The following ADGRF5 variants were observed in gnomAD, a reference collection of about 807,000 sequenced individuals.
ADGRF5 encodes adhesion G protein-coupled receptor F5, also known as G-protein coupled receptor 116.
A neutral mutation model predicts 132.3 loss-of-function variants in ADGRF5; 75 were observed. That is an observed-to-expected ratio of 0.57 (90% CI 0.47 to 0.69). ADGRF5 has a LOEUF of 0.69. Among genes scored for constraint, ADGRF5 ranks in the 30% least tolerant of loss-of-function variants. The pLI is 0.00. For missense variants in ADGRF5, 1,516 were observed against 1,630.6 expected, an observed-to-expected ratio of 0.93 and a Z score of 1.21; for synonymous variants, 629 against 597.6, an observed-to-expected ratio of 1.05 and a Z score of -0.77.
At chr6:46,879,788 C>T (rs764910651) in intron 9 of ADGRF5, 30 bp downstream of exon 9, 1 of 1,409,438 alleles carries the variant, frequency 7.1e-7, no homozygotes, top group East Asian at 2.3e-5. Flanking sequence ...TCATTCCATT[C>T]CTCACACAAG....
Position 46,858,259 on chromosome 6 carries a change from A to G in ADGRF5, c.3644T>C (p.Phe1215Ser). Residue 1215 changes from phenylalanine (F) to serine (S), a missense_variant, in exon 17 of 21, where the codon TTT becomes TCT. Transcript: ENST00000283296. ...GACCCCAATGCTCTTGCTGATCTGA[A>G]ACAGGCTGCTCTTCTCCTGCTTGCA... ...KPCKQEKSSL[F>S]QISKSIGVLT... 1 of 1,614,040 alleles carries G rather than the reference A, an allele frequency of 6.2e-7. No individual in the cohort carries two copies. Among genetic ancestry groups the G allele is most frequent in the Non-Finnish European group, 8.5e-7 (1 of 1,180,006 alleles).
At chr6:46,897,949 C>A (rs1276603421) in intron 3 of ADGRF5, among the ~76,000 whole-genome samples, 1 of 152,190 alleles carries the variant, frequency 6.6e-6, no homozygotes, top group East Asian at 1.9e-4. Context: ...CAAGGCCAAT[C>A]CATCTTCTGC....
intron 16 of ADGRF5, 119 bp from the exon 17 acceptor site, chr6:46,859,642 A>G: frequency 1.5e-6 from 1 of 648,144 alleles, no homozygotes; most frequent in African/African-American, 1.8e-5. Flanking sequence ...GAAAACAAAA[A>G]TGAGACATCA....
At chr6:46,917,233 A>G (rs530701369) in intron 1 of ADGRF5, among the ~76,000 whole-genome samples, 27 of 152,322 alleles carry the variant, frequency 1.8e-4, no homozygotes, top group African/African-American at 6.5e-4. Flanking sequence ...GTTTGTCTCC[A>G]AAGTCTGAAC....
intron 14 of ADGRF5, among the ~76,000 whole-genome samples, chr6:46,863,691 C>T (rs1770052793): frequency 6.6e-6 from 1 of 152,130 alleles, no homozygotes; most frequent in Non-Finnish European, 1.5e-5. Context: ...TCCAGTGGAC[C>T]CTGACTCTGA....
intron 10 of ADGRF5, among the ~76,000 whole-genome samples, chr6:46,877,761 T>C (rs9395220): frequency 2.0e-5 from 3 of 152,092 alleles, no homozygotes; most frequent in East Asian, 3.9e-4. Flanking sequence ...TATGCATAGA[T>C]ACAAAGGCAG....
At position 46,852,688 on chromosome 6, in the gene ADGRF5, G is replaced by A. The variant is rs1444391944; in HGVS notation, c.*1304C>T. On this transcript the variant is annotated 3_prime_UTR_variant, in exon 21 of 21. Coordinates refer to ENST00000283296, the MANE Select transcript of ADGRF5 (RefSeq NM_001098518.2). ...CACAAACAATCAAATCCTTGGGAAA[G>A]GCTCTGCCATTTGTTCAACAAGGTC... The A allele has an allele frequency of 6.6e-6, 1 of 152,142 alleles. No individual in the cohort carries two copies. Among genetic ancestry groups the A allele is most frequent in the Non-Finnish European group, 1.5e-5 (1 of 68,028 alleles). 9.4% of individuals were successfully genotyped at this position (152,142 alleles called of 1,614,324 possible). A position where few individuals can be genotyped will look rare whatever the true frequency, so the allele number is the denominator to read the frequency against.
Position 46,880,007 on chromosome 6 carries a change from T to C in ADGRF5, c.847A>G (p.Ile283Val). The C allele has an allele frequency of 6.2e-7, 1 of 1,614,090 alleles. No homozygotes were observed. The highest frequency in any genetic ancestry group is 8.5e-7 in the Non-Finnish European group (1 of 1,179,946). ...ESNFFVTPEI[I>V]FEGDTVSLVC... ...AGACTGACTGTGTCCCCTTCAAAGA[T>C]GATTTCTGGTGTGACAAAGAAATTG... is the stretch of plus-strand genomic sequence containing the variant. The change falls in exon 9 of 21, where the codon ATC (isoleucine) becomes GTC (valine). Residue 283 changes from isoleucine to valine, a missense_variant. Ile to Val is a conservative substitution (Grantham distance 29). Transcript: ENST00000283296.
rs763996346 is a variant in ADGRF5 at position 46,883,664 on chromosome 6, A to G, written c.507T>C (p.Asp169=). ...GTCTGACTCTCATGTTCAGGGTAAC[A>G]TCTGTTGAAAAACACAGGGCAATAT... is the stretch of plus-strand genomic sequence containing the variant. ...PNGPFCLLQE[D]VTLNMRVRLN... Residue 169 remains aspartate, a splice_region_variant and synonymous_variant, in exon 6 of 21, where the codon GAT becomes GAC. Transcript: ENST00000283296. 2.8e-5 allele frequency: 43 copies of G among 1,526,632 alleles called. No homozygotes were observed. In the East Asian group the frequency reaches 7.7e-4, roughly 27 times the overall value. The allele number at this position is 1,526,632 out of a possible 1,614,324, so 94.6% of individuals were successfully genotyped here.
chr6:46,910,303 T>C (rs968697272), intron 1 of ADGRF5, among the ~76,000 whole-genome samples: 2 of 152,156 alleles, frequency 1.3e-5, no homozygotes, highest in African/African-American at 4.8e-5. Flanking sequence ...TTAATTATAA[T>C]TGGTGGGTAA....
At chr6:46,895,766 T>C (rs1314561720) in intron 3 of ADGRF5, among the ~76,000 whole-genome samples, 1 of 151,610 alleles carries the variant, frequency 6.6e-6, no homozygotes, top group Non-Finnish European at 1.5e-5. Flanking sequence ...GTGGAGAACT[T>C]GGCCAGTTGA....
chr6:46,913,413 T>A (rs1776141168), intron 1 of ADGRF5, among the ~76,000 whole-genome samples: 1 of 151,802 alleles, frequency 6.6e-6, no homozygotes, highest in Non-Finnish European at 1.5e-5. Flanking sequence ...GCAGGAGAAT[T>A]GCTTCAACCC....
chr6:46,858,006 T>C (rs1023659934), intron 17 of ADGRF5, 123 bp downstream of exon 17: 5 of 708,096 alleles, frequency 7.1e-6, no homozygotes, highest in African/African-American at 3.6e-5. Flanking sequence ...ATTACTGCTC[T>C]TTAGAGCTGA....
At chr6:46,951,420 T>G (rs1457597673) in intron 1 of ADGRF5, among the ~76,000 whole-genome samples, 1 of 152,198 alleles carries the variant, frequency 6.6e-6, no homozygotes, top group East Asian at 1.9e-4. Flanking sequence ...TTCTCCCAAG[T>G]GTCCATGTGC....
chr6:46,870,876 T>G (rs1770973457), intron 11 of ADGRF5: 2 of 443,356 alleles, frequency 4.5e-6, no homozygotes, highest in Non-Finnish European at 9.0e-6. Flanking sequence ...ATTTGCAGTT[T>G]TCTGTAGTGA....
intron 1 of ADGRF5, among the ~76,000 whole-genome samples, chr6:46,942,510 C>T (rs937019970): frequency 1.6e-4 from 25 of 152,196 alleles, no homozygotes; most frequent in Non-Finnish European, 2.8e-4. Flanking sequence ...CTCTGATCCT[C>T]AGTTTTCTTA....
chr6:46,900,490 C>A (rs536524322), intron 2 of ADGRF5, among the ~76,000 whole-genome samples: 1 of 151,684 alleles, frequency 6.6e-6, no homozygotes, highest in African/African-American at 2.4e-5. Context: ...CAACACTCAC[C>A]CTGTCCTAAC....
chr6:46,889,562 G>GTA (rs1773424580), intron 3 of ADGRF5, among the ~76,000 whole-genome samples: 1 of 80,164 alleles, frequency 1.2e-5, no homozygotes, highest in African/African-American at 3.5e-5. Context: ...ATGTGTGTGT[G>GTA]TGTGTGTATA....
intron 1 of ADGRF5, among the ~76,000 whole-genome samples, chr6:46,953,814 C>T (rs1480040471): frequency 2.0e-5 from 3 of 150,532 alleles, no homozygotes; most frequent in Non-Finnish European, 4.4e-5. Flanking sequence ...TTATGAGCAT[C>T]GGAACTAAAT....
Sources: gnomAD v4.1 joint callset for allele counts (sites outside exome capture counted in the v4.1 genomes callset) on GRCh38, gnomAD v4.1.1 for gene constraint, MANE v1.5 for transcripts, NCBI Gene and HGNC (gene_info 2026-07-23, HGNC 2026-07-21) for gene names.